Variants in NRG1 observed in about 807,000 individuals in gnomAD.
NRG1 encodes pro-neuregulin-1, membrane-bound isoform.
A neutral mutation model predicts 63.8 loss-of-function variants in NRG1; 18 were observed. The ratio of observed to expected loss-of-function variants is 0.28; its 90% CI spans 0.19 to 0.42. NRG1 has a LOEUF of 0.42. Among genes scored for constraint, NRG1 ranks in the 10% least tolerant of loss-of-function variants. The pLI, the probability that NRG1 is intolerant of heterozygous loss-of-function variation, is 1.00. For missense variants in NRG1, 762 were observed against 814.7 expected (o/e 0.94, Z 0.79); for synonymous variants, 302 against 301.3 (o/e 1.00, Z -0.02).
At chr8:32,196,804 G>C (rs1451527405) in intron 1 of NRG1, among the ~76,000 whole-genome samples, 1 of 151,812 alleles carries the variant, frequency 6.6e-6, no homozygotes, top group Non-Finnish European at 1.5e-5. Flanking sequence ...ATAGTCTTAG[G>C]CTTCCTCTTA....
intron 1 of NRG1, among the ~76,000 whole-genome samples, chr8:32,404,704 C>T (rs1039573441): frequency 6.6e-6 from 1 of 151,598 alleles, no homozygotes; most frequent in Non-Finnish European, 1.5e-5. Flanking sequence ...CCTGCCTCAG[C>T]CTCCCTAGTA....
chr8:31,681,573 G>C (rs966258702), intron 1 of NRG1, among the ~76,000 whole-genome samples: 2 of 151,918 alleles, frequency 1.3e-5, no homozygotes, highest in African/African-American at 4.8e-5. Flanking sequence ...GAAGTAGGTT[G>C]TTAGAACTAA....
chr8:32,771,929 A>C (rs542712850), downstream of NRG1, among the ~76,000 whole-genome samples: 14 of 146,964 alleles, frequency 9.5e-5, no homozygotes, highest in South Asian at 3.0e-3. Context: ...AGGCTGAGGC[A>C]GGAGAATCAC....
At chr8:31,662,610 A>C (rs1806106643) in intron 1 of NRG1, among the ~76,000 whole-genome samples, 1 of 152,160 alleles carries the variant, frequency 6.6e-6, no homozygotes, top group African/African-American at 2.4e-5. Flanking sequence ...AGATAGATGC[A>C]ATGGTAAATA....
intron 1 of NRG1, among the ~76,000 whole-genome samples, chr8:31,806,982 T>C (rs1193777751): frequency 6.6e-6 from 1 of 152,230 alleles, no homozygotes; most frequent in Non-Finnish European, 1.5e-5. Context: ...CTACAGAATA[T>C]GTGGAACACA....
chr8:32,264,183 A>G (rs968190562), intron 1 of NRG1, among the ~76,000 whole-genome samples: 6 of 152,214 alleles, frequency 3.9e-5, no homozygotes, highest in African/African-American at 9.6e-5. Flanking sequence ...AAACTCCTGT[A>G]TAAGAAGAAT....
intron 1 of NRG1, among the ~76,000 whole-genome samples, chr8:32,562,833 A>G (rs573120970): frequency 6.6e-6 from 1 of 152,318 alleles, no homozygotes; most frequent in African/African-American, 2.4e-5. Flanking sequence ...GACTAACTGT[A>G]TATGATTTGG....
At position 31,640,526 on chromosome 8, in the gene NRG1, T is replaced by G; in HGVS notation, c.37+1095T>G. On this transcript the variant is annotated intron_variant, in intron 1 of 10. Transcript: ENST00000519301. The surrounding 1 kb of genome is among the most constrained non-coding windows in gnomAD (Gnocchi z 6.3). ...GGGGGCTTGAAGAAGGACTCGCTGC[T>G]CACCGTGCGCCTGGGGACCTGGGGC... is the stretch of plus-strand genomic sequence containing the variant. 1.2e-6 allele frequency: 2 copies of G among 1,611,726 alleles called. No individual in the cohort carries two copies. Among genetic ancestry groups the G allele is most frequent in the Non-Finnish European group, 1.7e-6 (2 of 1,179,422 alleles).
chr8:32,307,028 T>C (rs1327483461), intron 1 of NRG1, among the ~76,000 whole-genome samples: 1 of 152,220 alleles, frequency 6.6e-6, no homozygotes, highest in Non-Finnish European at 1.5e-5. Flanking sequence ...CCAGATATCC[T>C]TATGCTTTAG....
intron 1 of NRG1, among the ~76,000 whole-genome samples, chr8:31,922,996 G>GAGA (rs1384312469): frequency 6.6e-6 from 1 of 152,156 alleles, no homozygotes; most frequent in African/African-American, 2.4e-5. Context: ...GTTCTGGGAA[G>GAGA]AGATGACTGT....
At chr8:32,290,746 G>T (rs1448047419) in intron 1 of NRG1, among the ~76,000 whole-genome samples, 1 of 152,058 alleles carries the variant, frequency 6.6e-6, no homozygotes, top group Non-Finnish European at 1.5e-5. Context: ...TATTATATTT[G>T]CTGCAAACTC....
intron 1 of NRG1, among the ~76,000 whole-genome samples, chr8:32,351,090 C>A (rs1217348280): frequency 6.6e-6 from 1 of 152,154 alleles, no homozygotes; most frequent in East Asian, 1.9e-4. Flanking sequence ...AGTTTTTTTA[C>A]TTTGGTACTG....
At chr8:32,316,313 T>C (rs1321527257) in intron 1 of NRG1, among the ~76,000 whole-genome samples, 2 of 152,000 alleles carry the variant, frequency 1.3e-5, no homozygotes, top group African/African-American at 2.4e-5. Context: ...CCATCTCTAC[T>C]AAAAATACAA....
chr8:31,934,384 C>G (rs1455010677), intron 1 of NRG1, among the ~76,000 whole-genome samples: 1 of 148,512 alleles, frequency 6.7e-6, no homozygotes, highest in Non-Finnish European at 1.5e-5. Flanking sequence ...TCTTTCTCCC[C>G]CTACACACAC....
intron 1 of NRG1, among the ~76,000 whole-genome samples, chr8:32,192,774 T>C (rs947611636): frequency 3.9e-5 from 6 of 152,008 alleles, no homozygotes; most frequent in Non-Finnish European, 5.9e-5. Context: ...ATAAAACATA[T>C]AGATTTTTAA....
chr8:31,816,512 A>C (rs1341545932), intron 1 of NRG1, among the ~76,000 whole-genome samples: 1 of 152,262 alleles, frequency 6.6e-6, no homozygotes, highest in East Asian at 1.9e-4. Context: ...TTTCCATATT[A>C]TTAATGCCTC....
intron 5 of NRG1, among the ~76,000 whole-genome samples, chr8:32,629,639 T>C (rs1164880847): frequency 6.6e-6 from 1 of 152,218 alleles, no homozygotes; most frequent in African/African-American, 2.4e-5. Flanking sequence ...TGTAACATTT[T>C]AAGAAGCATT....
intron 1 of NRG1, among the ~76,000 whole-genome samples, chr8:32,542,524 A>G (rs1246874560): frequency 2.6e-5 from 4 of 152,210 alleles, no homozygotes; most frequent in African/African-American, 9.6e-5. Flanking sequence ...AAGCAACTGA[A>G]TTTCCCTTGA....
intron 1 of NRG1, among the ~76,000 whole-genome samples, chr8:31,913,691 TCTC>T (rs1833136506): frequency 6.6e-6 from 1 of 152,096 alleles, no homozygotes; most frequent in African/African-American, 2.4e-5. Context: ...CTTAGGCGCT[TCTC>T]CTCCCAAAAC....
Sources: gnomAD v4.1 joint callset for allele counts (sites outside exome capture counted in the v4.1 genomes callset) on GRCh38, gnomAD v4.1.1 for gene constraint, Gnocchi (gnomAD v3.1) non-coding constraint, MANE v1.5 for transcripts, NCBI Gene and HGNC (gene_info 2026-07-23, HGNC 2026-07-21) for gene names.